Variants in LYPD6 observed in about 807,000 individuals in gnomAD.
LYPD6 encodes ly6/PLAUR domain-containing protein 6.
Under a neutral mutation model 22.7 loss-of-function variants are expected in LYPD6, and 15 were observed. The ratio of observed to expected loss-of-function variants is 0.66; its 90% CI spans 0.44 to 1.02. The LOEUF (loss-of-function observed/expected upper bound fraction) is 1.02, where lower values mean the gene tolerates loss of function less well. LYPD6 is among the 50% of genes least tolerant of loss of function. The pLI is 0.00. For missense variants in LYPD6, 189 were observed against 208.4 expected (o/e 0.91, Z 0.57); for synonymous variants, 72 against 77.5 (o/e 0.93, Z 0.37).
chr2:149,430,521 T>C (rs1034743044), intron 1 of LYPD6, among the ~76,000 whole-genome samples: 1 of 152,234 alleles, frequency 6.6e-6, no homozygotes, highest in African/African-American at 2.4e-5. Flanking sequence ...CTTTAGTTTA[T>C]ACTTTTGGAA....
chr2:149,371,462 C>T (rs1681807706), intron 1 of LYPD6, among the ~76,000 whole-genome samples: 2 of 152,104 alleles, frequency 1.3e-5, no homozygotes, highest in South Asian at 2.1e-4. Context: ...ATTTTTTCCT[C>T]TAAGAAATCT....
chr2:149,435,107 G>A (rs868009679), intron 1 of LYPD6, among the ~76,000 whole-genome samples: 46 of 152,306 alleles, frequency 3.0e-4, no homozygotes, highest in African/African-American at 1.1e-3. Flanking sequence ...TATGAGTAGA[G>A]GAAGTGACAC....
At chr2:149,357,787 T>C (rs1830197) in intron 1 of LYPD6, among the ~76,000 whole-genome samples, 4,921 of 130,452 alleles carry the variant, frequency 0.038, 264 homozygotes, top group African/African-American at 0.17. Flanking sequence ...TTTCTTTGCT[T>C]TTTTTTTTTT....
At chr2:149,400,126 C>T (rs546293084) in intron 1 of LYPD6, among the ~76,000 whole-genome samples, 2 of 152,328 alleles carry the variant, frequency 1.3e-5, no homozygotes, top group African/African-American at 4.8e-5. Context: ...GCACAATGGC[C>T]TGGTGCTTTT....
chr2:149,352,169 A>T (rs1237009582), intron 1 of LYPD6, among the ~76,000 whole-genome samples: 1 of 152,114 alleles, frequency 6.6e-6, no homozygotes, highest in Non-Finnish European at 1.5e-5. Context: ...AACTAACGAT[A>T]AAAAATGCTA....
intron 1 of LYPD6, among the ~76,000 whole-genome samples, chr2:149,429,294 G>C (rs1683261981): frequency 6.6e-6 from 1 of 152,158 alleles, no homozygotes; most frequent in Non-Finnish European, 1.5e-5. Flanking sequence ...GAATGCCTTT[G>C]GAACTGCTGG....
chr2:149,461,617 T>C (rs952421499), intron 3 of LYPD6, among the ~76,000 whole-genome samples: 5 of 151,922 alleles, frequency 3.3e-5, no homozygotes, highest in African/African-American at 1.2e-4. Flanking sequence ...AATTCCAATC[T>C]ATTATTTTTT....
chr2:149,431,212 C>T (rs1190609904), intron 1 of LYPD6, among the ~76,000 whole-genome samples: 5 of 152,096 alleles, frequency 3.3e-5, no homozygotes, highest in Non-Finnish European at 5.9e-5. Context: ...TAAAGAGAAC[C>T]GTATTCAGGG....
chr2:149,340,924 C>G (rs1037380745), intron 1 of LYPD6, among the ~76,000 whole-genome samples: 1 of 151,876 alleles, frequency 6.6e-6, no homozygotes, highest in Non-Finnish European at 1.5e-5. Flanking sequence ...TTCTTTGACT[C>G]GCCATGTGGA....
intron 1 of LYPD6, among the ~76,000 whole-genome samples, chr2:149,414,154 CT>C (rs1682913058): frequency 6.6e-6 from 1 of 152,080 alleles, no homozygotes; most frequent in African/African-American, 2.4e-5. Context: ...GAACTTGTAC[CT>C]TTTTTCTTCC....
chr2:149,383,222 G>T (rs765244385), intron 1 of LYPD6, among the ~76,000 whole-genome samples: 1 of 152,028 alleles, frequency 6.6e-6, no homozygotes, highest in Non-Finnish European at 1.5e-5. Flanking sequence ...TTTCTATGCC[G>T]GTTGACTAAC....
intron 3 of LYPD6, 26 bp from the exon 4 acceptor site, chr2:149,468,619 C>T: frequency 6.2e-7 from 1 of 1,605,982 alleles, no homozygotes; most frequent in East Asian, 2.2e-5. Context: ...CATTTCCCAT[C>T]TCAAATATAT....
chr2:149,477,034 G>A (rs1312664282), downstream of LYPD6, among the ~76,000 whole-genome samples: 1 of 152,158 alleles, frequency 6.6e-6, no homozygotes, highest in East Asian at 1.9e-4. Flanking sequence ...GTCAGTGGTG[G>A]GAGAGAACAC....
At chr2:149,475,562 G>A (rs1681435717), downstream of LYPD6, among the ~76,000 whole-genome samples, 1 of 152,062 alleles carries the variant, frequency 6.6e-6, no homozygotes, top group African/African-American at 2.4e-5. Context: ...AAAAATTATG[G>A]CCTTTCTCAT....
In LYPD6 at chr2:149,389,584, C is replaced by T. The variant is rs371213296; in HGVS notation, c.-71-48054C>T. Among the ~76,000 whole-genome samples, 8 of 152,234 alleles carry T rather than the reference C, an allele frequency of 5.3e-5. No individual in the cohort carries two copies. In the South Asian group the frequency reaches 1.0e-3, roughly 20 times the overall value. ...TTAGCTTACAAACTGAATCCAGGGA[C>T]GTTTTCATCACAATGCCTGCATCTG... is the stretch of plus-strand genomic sequence containing the variant. On this transcript the variant is annotated intron_variant, in intron 1 of 4. Transcript: ENST00000334166.
intron 1 of LYPD6, among the ~76,000 whole-genome samples, chr2:149,415,582 C>T (rs1033135411): frequency 1.3e-5 from 2 of 151,694 alleles, no homozygotes; most frequent in Non-Finnish European, 2.9e-5. Flanking sequence ...CAATGCAGGT[C>T]TCACCCTTAA....
the LYPD6 span, among the ~76,000 whole-genome samples, chr2:149,481,342 C>T: frequency 3.3e-5 from 5 of 152,140 alleles, no homozygotes; most frequent in Admixed American, 6.5e-5. Context: ...ATGTCAAAGC[C>T]GTAAAACTAG....
intron 3 of LYPD6, among the ~76,000 whole-genome samples, chr2:149,458,334 GT>G (rs1681012715): frequency 1.3e-5 from 2 of 152,240 alleles, no homozygotes; most frequent in South Asian, 4.1e-4. Flanking sequence ...CCTGACCAAG[GT>G]TGTGTCAAAG....
intron 1 of LYPD6, among the ~76,000 whole-genome samples, chr2:149,365,897 A>G (rs1226770365): frequency 6.6e-6 from 1 of 152,206 alleles, no homozygotes; most frequent in African/African-American, 2.4e-5. Context: ...GGACACACCA[A>G]TTTAGATGAC....
Sources: gnomAD v4.1 joint callset for allele counts (sites outside exome capture counted in the v4.1 genomes callset) on GRCh38, gnomAD v4.1.1 for gene constraint, MANE v1.5 for transcripts, NCBI Gene and HGNC (gene_info 2026-07-23, HGNC 2026-07-21) for gene names.